CR2: variants seen among roughly 807,000 people sequenced by gnomAD.
The protein encoded by CR2 is complement C3d receptor 2, also known as complement receptor type 2.
In CR2, 96 loss-of-function variants were observed where a neutral mutation model predicts 123.0. The observed-to-expected ratio is 0.78, with a 90% CI of 0.66 to 0.93. The LOEUF is 0.93. Ranked by LOEUF, CR2 falls within the 40% of genes least tolerant of loss-of-function variation. The pLI, the probability that CR2 is intolerant of heterozygous loss-of-function variation, is 0.00. For synonymous variants in CR2, 484 were observed against 469.5 expected, an observed-to-expected ratio of 1.03 and a Z score of -0.40; for missense variants, 1,258 against 1,361.0, an observed-to-expected ratio of 0.92 and a Z score of 1.19.
chr1:207,483,852 A>C (rs777270034), intron 18 of CR2, among the ~76,000 whole-genome samples: 1 of 152,150 alleles, frequency 6.6e-6, no homozygotes. Context: ...TTAAATCACA[A>C]TGAAAGCTGT....
intron 17 of CR2, among the ~76,000 whole-genome samples, 181 bp from the exon 18 acceptor site, chr1:207,479,797 C>G (rs1270561507): frequency 6.6e-6 from 1 of 152,108 alleles, no homozygotes; most frequent in Non-Finnish European, 1.5e-5. Flanking sequence ...TGGACTGGAT[C>G]AAATCAGAAA....
intron 2 of CR2, among the ~76,000 whole-genome samples, chr1:207,467,819 G>A (rs539825166): frequency 2.6e-5 from 4 of 152,162 alleles, no homozygotes; most frequent in African/African-American, 9.6e-5. Flanking sequence ...TATACATGTC[G>A]CTAAGTAGAG....
At chr1:207,468,967 A>C in intron 4 of CR2, 68 bp downstream of exon 4, 2 of 1,546,596 alleles carry the variant, frequency 1.3e-6, no homozygotes, top group East Asian at 2.2e-5. Context: ...GGACTGTGAA[A>C]CCTGCAGAAG....
chr1:207,473,202 A>T, intron 10 of CR2, 23 bp downstream of exon 10: 1 of 1,612,038 alleles, frequency 6.2e-7, no homozygotes, highest in South Asian at 1.1e-5. Flanking sequence ...TAAGGGGGAA[A>T]AAAGGAGAGA....
chr1:207,477,604 T>C (rs1658477987), intron 15 of CR2, among the ~76,000 whole-genome samples: 1 of 152,194 alleles, frequency 6.6e-6, no homozygotes, highest in Non-Finnish European at 1.5e-5. Flanking sequence ...GCCCTCACCA[T>C]TTCTCCAAGA....
intron 1 of CR2, among the ~76,000 whole-genome samples, chr1:207,455,947 A>C (rs750306023): frequency 2.0e-5 from 3 of 152,188 alleles, no homozygotes; most frequent in African/African-American, 4.8e-5. Flanking sequence ...TCCCATCCTA[A>C]GCATTATAAT....
rs1326314153 is a variant in CR2, at chr1:207,454,811, C to T, written c.58+335C>T. On this transcript the variant is annotated intron_variant, in intron 1 of 19. Coordinates refer to ENST00000367057, the MANE Select transcript of CR2 (RefSeq NM_001006658.3). This position sits in a 1 kb window ranked among gnomAD's most constrained non-coding sequence, Gnocchi z 4.3. ...TCTGCAGGTGCTCATCGCTCTCTGG[C>T]CGGCGGTCAGCGCTACCGCTCGCCA... 1.7e-5 allele frequency: 5 copies of T among 291,618 alleles called. No individual in the cohort carries two copies. Among genetic ancestry groups the T allele is most frequent in the South Asian group, 7.6e-5 (1 of 13,132 alleles). 18.1% of individuals were successfully genotyped at this position (291,618 alleles called of 1,614,324 possible).
intron 17 of CR2, 98 bp downstream of exon 17, chr1:207,479,378 T>G (rs532708642): frequency 1.2e-6 from 1 of 820,648 alleles, no homozygotes; most frequent in Non-Finnish European, 2.0e-6. Context: ...TATATTTAAC[T>G]CATAGGGAAT....
intron 1 of CR2, among the ~76,000 whole-genome samples, chr1:207,466,185 T>A (rs1411894985): frequency 6.6e-6 from 1 of 152,156 alleles, no homozygotes; most frequent in East Asian, 1.9e-4. Context: ...TAATCCATGG[T>A]ACCTCCCCAC....
chr1:207,481,083 A>T (rs1558197358), intron 18 of CR2, among the ~76,000 whole-genome samples: 1 of 152,016 alleles, frequency 6.6e-6, no homozygotes, highest in Admixed American at 6.6e-5. Context: ...TATTAACTAT[A>T]TTACTACGTT....
In CR2 at chr1:207,468,612, G is replaced by A; in HGVS notation, c.531G>A (p.Leu177=). 1.9e-6 allele frequency: 3 copies of A among 1,614,024 alleles called. No homozygotes were observed. The highest frequency in any genetic ancestry group is 2.5e-6 in the Non-Finnish European group (3 of 1,179,958). The change falls in exon 3 of 20, where the codon TTG becomes TTA. Residue 177 remains leucine, a synonymous_variant. Coordinates refer to ENST00000367057, the MANE Select transcript of CR2 (RefSeq NM_001006658.3). ...SENVGSIAPG[L]SVTYSCESGY... ...ATGTTGGCTCCATTGCTCCAGGATT[G>A]TCTGTGACTTACAGCTGTGAATCTG...
chr1:207,460,671 G>GA (rs953671819), intron 1 of CR2, among the ~76,000 whole-genome samples: 1 of 151,912 alleles, frequency 6.6e-6, no homozygotes, highest in African/African-American at 2.4e-5. Context: ...CTCATACATA[G>GA]AAAAATGACT....
At chr1:207,460,863 T>C (rs1482571017) in intron 1 of CR2, among the ~76,000 whole-genome samples, 2 of 152,112 alleles carry the variant, frequency 1.3e-5, no homozygotes, top group Non-Finnish European at 2.9e-5. Flanking sequence ...TGGTGGCATA[T>C]TACTCTACTA....
chr1:207,487,403 C>T lies in CR2; in HGVS notation c.*19-1739C>T, dbSNP rs1658779865. On this transcript the variant is annotated intron_variant, in intron 19 of 19. Coordinates refer to ENST00000367057, the MANE Select transcript of CR2 (RefSeq NM_001006658.3). ...CTAGGTTCAAGTGATTCTCATGCCT[C>T]AGTCTCCTGAGTAGCTGGGATTATA... Among the ~76,000 whole-genome samples the T allele has an allele frequency of 1.3e-5, 2 of 152,186 alleles. 1 individual carries two copies. Among genetic ancestry groups the T allele is most frequent in the African/African-American group, 4.8e-5 (2 of 41,434 alleles).
intron 6 of CR2, 145 bp from the exon 7 acceptor site, chr1:207,470,595 C>T: frequency 3.9e-6 from 3 of 767,572 alleles, no homozygotes; most frequent in Non-Finnish European, 6.4e-6. Flanking sequence ...CTAAAATTAC[C>T]CAAAGCTGGT....
intron 18 of CR2, among the ~76,000 whole-genome samples, chr1:207,482,439 A>G (rs1357241223): frequency 1.3e-5 from 2 of 152,182 alleles, no homozygotes; most frequent in East Asian, 3.9e-4. Context: ...AAAACATTTG[A>G]GCAGTAATGT....
chr1:207,474,224 A>C lies in CR2; in HGVS notation c.2241-17A>C. 1 of 1,580,314 alleles carries C rather than the reference A, an allele frequency of 6.3e-7. No individual in the cohort carries two copies. Among genetic ancestry groups the C allele is most frequent in the Non-Finnish European group, 8.7e-7 (1 of 1,149,416 alleles). ...ATATTGGGAACAGGAAATGCATTATAATCTGTCTCTCTGTAGGTACCAGTT... is the reference window on the plus strand; with the variant it reads ...ATATTGGGAACAGGAAATGCATTATCATCTGTCTCTCTGTAGGTACCAGTT... On this transcript the variant is annotated splice_polypyrimidine_tract_variant and intron_variant, in intron 12 of 19. Coordinates refer to ENST00000367057, the MANE Select transcript of CR2 (RefSeq NM_001006658.3).
chr1:207,475,675 T>C (rs1240754401), intron 14 of CR2, among the ~76,000 whole-genome samples: 1 of 152,234 alleles, frequency 6.6e-6, no homozygotes, highest in Non-Finnish European at 1.5e-5. Flanking sequence ...GCCTTATTCC[T>C]GTCCATGACT....
chr1:207,470,656 C>G (rs758549607), intron 6 of CR2, 84 bp from the exon 7 acceptor site: 2 of 1,326,936 alleles, frequency 1.5e-6, no homozygotes, highest in African/African-American at 1.4e-5. Context: ...GGAATTATAG[C>G]ATGAATATCA....
Sources: gnomAD v4.1 joint callset for allele counts (sites outside exome capture counted in the v4.1 genomes callset) on GRCh38, gnomAD v4.1.1 for gene constraint, Gnocchi (gnomAD v3.1) non-coding constraint, MANE v1.5 for transcripts, NCBI Gene and HGNC (gene_info 2026-07-23, HGNC 2026-07-21) for gene names.